TNS2: variants seen among roughly 807,000 people sequenced by gnomAD.
The protein encoded by TNS2 is tensin 2.
Under a neutral mutation model 155.7 loss-of-function variants are expected in TNS2, and 77 were observed. That is an observed-to-expected ratio of 0.49 (90% CI 0.41 to 0.60). The LOEUF (loss-of-function observed/expected upper bound fraction) is 0.60, where lower values mean the gene tolerates loss of function less well. Ranked by LOEUF, TNS2 falls within the 20% of genes least tolerant of loss-of-function variation. The pLI, the probability that TNS2 is intolerant of heterozygous loss-of-function variation, is 0.00. For synonymous variants in TNS2, 726 were observed against 763.9 expected, an observed-to-expected ratio of 0.95 and a Z score of 0.82; for missense variants, 1,703 against 1,868.8, an observed-to-expected ratio of 0.91 and a Z score of 1.64.
Position 53,059,135 on chromosome 12 carries a change from T to C in TNS2, c.1494T>C (p.Ser498=). 6.3e-7 allele frequency: 1 copy of C among 1,588,332 alleles called. No individual in the cohort carries two copies. Among genetic ancestry groups the C allele is most frequent in the African/African-American group, 1.4e-5 (1 of 73,460 alleles). Residue 498 remains serine (S), a synonymous_variant, in exon 18 of 29, where the codon TCT becomes TCC. Coordinates refer to ENST00000314250, the MANE Select transcript of TNS2 (RefSeq NM_170754.4). This position sits in a 1 kb window ranked among gnomAD's most constrained non-coding sequence, Gnocchi z 4.7. ...RPPRQTPPAP[S]PEPPPPPMLS... is the part of the protein sequence containing the mutation. ...CCCGGCAGACCCCCCCGGCACCCTC[T>C]CCAGAGCCTCCACCACCCCCCATGC...
chr12:53,058,485 GGC>G lies in TNS2; in HGVS notation c.1225+41_1225+42del, dbSNP rs1189447909. Reference sequence around the variant, plus strand: ...AGTGGCCTGGGGCTGGAGTCCAGGTGGCAGGCAGGTGGCAGGCAGGTGGCAGG... The same window carrying G: ...AGTGGCCTGGGGCTGGAGTCCAGGTGAGGCAGGTGGCAGGCAGGTGGCAGG... On this transcript the variant is annotated intron_variant, in intron 15 of 28. Transcript: ENST00000314250. 8.2e-6 allele frequency: 4 copies of G among 486,746 alleles called. No individual in the cohort carries two copies. In the Admixed American group the frequency reaches 3.0e-4, roughly 36 times the overall value. 30.2% of individuals were successfully genotyped at this position (486,746 alleles called of 1,614,324 possible).
chr12:53,050,177 C>A lies in TNS2; in HGVS notation c.-9C>A. On this transcript the variant is annotated 5_prime_UTR_variant, in exon 1 of 29. Transcript: ENST00000314250. This position sits in a 1 kb window ranked among gnomAD's most constrained non-coding sequence, Gnocchi z 4.7. ...GCCCTGGGGCCAGCACCCCAGCCAG[C>A]CGAACACCATGAAGTCCAGCGGCCC... 1.9e-6 allele frequency: 3 copies of A among 1,610,208 alleles called. No homozygotes were observed. Among genetic ancestry groups the A allele is most frequent in the Non-Finnish European group, 2.5e-6 (3 of 1,179,020 alleles).
intron 7 of TNS2, 43 bp downstream of exon 7, chr12:53,054,484 T>A: frequency 1.3e-6 from 2 of 1,550,500 alleles, no homozygotes; most frequent in South Asian, 2.4e-5. Flanking sequence ...GAGAGGGATG[T>A]AGGGTCCAGA....
Position 53,058,346 on chromosome 12 carries a change from ACAGACCGGAC to A in TNS2, c.1128_1137del (p.Asp377SerfsTer92). On this transcript the variant is annotated frameshift_variant, in exon 15 of 29. Transcript: ENST00000314250. LOFTEE classifies it high-confidence loss of function. Reference sequence around the variant, plus strand: ...ATGTTATCACAAGGGTGGCCGGGGCACAGACCGGACCCTCGTGTTCCGAGTCCAGTTCCAC... The same window carrying A: ...ATGTTATCACAAGGGTGGCCGGGGCACCTCGTGTTCCGAGTCCAGTTCCAC... The A allele has an allele frequency of 6.2e-7, 1 of 1,614,158 alleles. No homozygotes were observed. The highest frequency in any genetic ancestry group is 1.7e-5 in the Admixed American group (1 of 60,012).
At chr12:53,058,141 G>A (rs772775862) in intron 14 of TNS2, 39 bp downstream of exon 14, 7 of 1,613,716 alleles carry the variant, frequency 4.3e-6, no homozygotes, top group Admixed American at 3.3e-5. Context: ...TCCTGGAGAT[G>A]GGGCAGGGGT....
intron 4 of TNS2, 36 bp from the exon 5 acceptor site, chr12:53,053,738 C>G (rs1194386244): frequency 6.2e-7 from 1 of 1,607,548 alleles, no homozygotes; most frequent in Admixed American, 1.7e-5. Flanking sequence ...CCTGCTGTAA[C>G]TAACCACTCC....
chr12:53,061,224 C>A lies in TNS2; in HGVS notation c.3318C>A (p.Thr1106=). The change falls in exon 20 of 29, where the codon ACC becomes ACA. Residue 1106 remains threonine, a synonymous_variant. Coordinates refer to ENST00000314250, the MANE Select transcript of TNS2 (RefSeq NM_170754.4). ...SPARGISHHV[T]FAPLLSDNVP... ...CCAGAGGCATCAGTCACCATGTCAC[C>A]TTCGCACCTCTGCTCTCAGATAATG... is the stretch of plus-strand genomic sequence containing the variant. 6.4e-7 allele frequency: 1 copy of A among 1,570,776 alleles called. No individual in the cohort carries two copies. The highest frequency in any genetic ancestry group is 8.6e-7 in the Non-Finnish European group (1 of 1,158,052).
At chr12:53,047,960 A>G (rs7307595), upstream of TNS2, among the ~76,000 whole-genome samples, 140,539 of 152,086 alleles carry the variant, frequency 0.92, 65,966 homozygotes, top group East Asian at 1. Flanking sequence ...CTATTTCCAG[A>G]AAGGGGGGTG....
chr12:53,058,873 A>C (rs1006820666), intron 17 of TNS2, 46 bp downstream of exon 17: 1 of 1,596,872 alleles, frequency 6.3e-7, no homozygotes, highest in Non-Finnish European at 8.5e-7. Context: ...TTGTGGCGGG[A>C]CCCTGGGGGG....
chr12:53,054,557 T>C lies in TNS2; in HGVS notation c.522+116T>C, dbSNP rs1472922542. On this transcript the variant is annotated intron_variant, in intron 7 of 28. Coordinates refer to ENST00000314250, the MANE Select transcript of TNS2 (RefSeq NM_170754.4). ...AGGCCGCCAGGGGGCGGGACCAGAG[T>C]GGTGGGGTGGGGGCGGGGCCCGGAG... 10 of 599,778 alleles carry C rather than the reference T, an allele frequency of 1.7e-5. No individual in the cohort carries two copies. The Admixed American group carries it at 1.7e-4, about 10-fold the overall frequency. 37.2% of individuals were successfully genotyped at this position (599,778 alleles called of 1,614,324 possible). A position where few individuals can be genotyped will look rare whatever the true frequency, so the allele number is the denominator to read the frequency against.
chr12:53,047,175 ACGGGCG>A (rs141050814), upstream of TNS2: 60,187 of 143,724 alleles, frequency 0.42, 13,962 homozygotes, highest in East Asian at 0.87. Flanking sequence ...GCGGGCTGCC[ACGGGCG>A]CGGGCGCGGG....
rs894355465 is a variant in TNS2 at position 53,059,086 on chromosome 12, C to G, written c.1445C>G (p.Pro482Arg). 6.5e-7 allele frequency: 1 copy of G among 1,546,104 alleles called. No homozygotes were observed. Among genetic ancestry groups the G allele is most frequent in the Admixed American group, 2.0e-5 (1 of 49,084 alleles). ...THTRGPLDGS[P>R]YAQVQRPPRQ... Reference sequence around the variant, plus strand: ...ACCCGGGGTCCCCTGGATGGCAGTCCTTATGCCCAGGTGCAGCGGCCTCCC... The same window carrying G: ...ACCCGGGGTCCCCTGGATGGCAGTCGTTATGCCCAGGTGCAGCGGCCTCCC... Residue 482 changes from proline to arginine, a missense_variant, in exon 18 of 29, where the codon CCT (proline) becomes CGT (arginine). Pro to Arg is a moderately radical substitution (Grantham distance 103). Coordinates refer to ENST00000314250, the MANE Select transcript of TNS2 (RefSeq NM_170754.4). The surrounding 1 kb of genome is among the most constrained non-coding windows in gnomAD (Gnocchi z 4.7).
chr12:53,048,883 GGCTGGGGGAGTTGC>G (rs1943819801), upstream of TNS2: 1 of 318,210 alleles, frequency 3.1e-6, no homozygotes, highest in Non-Finnish European at 5.7e-6. Context: ...GAGAAGCCAG[GGCTGGGGGAGTTGC>G]CTGAGTACTG....
In TNS2 at chr12:53,060,880, C is replaced by T; in HGVS notation, c.2974C>T (p.Pro992Ser). Residue 992 changes from proline to serine, a missense_variant, in exon 20 of 29, where the codon CCA (proline) becomes TCA (serine). Physicochemically the swap from Pro to Ser is moderately conservative, Grantham distance 74 (BLOSUM62 -1). Transcript: ENST00000314250. The surrounding 1 kb of genome is among the most constrained non-coding windows in gnomAD (Gnocchi z 6.1). ...SPSDWPQERS[P>S]GGHSDGASPR... The stretch of plus-strand genomic sequence containing the variant: ...CAGTGACTGGCCTCAGGAAAGGAGT[C>T]CAGGGGGCCACTCAGATGGCGCCAG... The T allele has an allele frequency of 1.3e-6, 2 of 1,591,434 alleles. No homozygotes were observed. Among genetic ancestry groups the T allele is most frequent in the Non-Finnish European group, 1.7e-6 (2 of 1,166,846 alleles).
Position 53,063,219 on chromosome 12 carries a change from G to C in TNS2, c.3954G>C (p.Val1318=). The part of the protein sequence containing the change: ...RPTPAVVHFK[V]SAQGITLTDN... ...CACCAGCTGTTGTCCACTTCAAGGT[G>C]TCAGCCCAGGGCATTACACTGACGG... The change falls in exon 26 of 29, where the codon GTG becomes GTC. Residue 1318 remains valine, a synonymous_variant. Coordinates refer to ENST00000314250, the MANE Select transcript of TNS2 (RefSeq NM_170754.4). This position sits in a 1 kb window ranked among gnomAD's most constrained non-coding sequence, Gnocchi z 5.6. 6.2e-7 allele frequency: 1 copy of C among 1,612,958 alleles called. No homozygotes were observed. Among genetic ancestry groups the C allele is most frequent in the South Asian group, 1.1e-5 (1 of 90,960 alleles).
At position 53,058,858 on chromosome 12, in the gene TNS2, C is replaced by T. The variant is rs554540015; in HGVS notation, c.1405+31C>T. 4.4e-6 allele frequency: 7 copies of T among 1,608,734 alleles called. No individual in the cohort carries two copies. The South Asian group carries it at 6.6e-5, about 15-fold the overall frequency. On this transcript the variant is annotated intron_variant, in intron 17 of 28. Transcript: ENST00000314250. ...CAGGCAGCCTGCAGGGTGGGAGGTA[C>T]AGGGTTGTGGCGGGACCCTGGGGGG...
At chr12:53,051,675 G>A (rs918880579) in intron 1 of TNS2, among the ~76,000 whole-genome samples, 180 bp from the exon 2 acceptor site, 2 of 152,228 alleles carry the variant, frequency 1.3e-5, no homozygotes, top group African/African-American at 4.8e-5. Context: ...TCCATGCACA[G>A]TTGAGGACAG....
chr12:53,058,305 C>G lies in TNS2; in HGVS notation c.1096-11C>G, dbSNP rs778367311. 6.2e-7 allele frequency: 1 copy of G among 1,613,826 alleles called. No homozygotes were observed. The highest frequency in any genetic ancestry group is 1.7e-5 in the Admixed American group (1 of 60,010). ...TGAGGCCTGATCCGCAGCCTCCTGC[C>G]TTTCTCCCAGGTAACATGTTATCAC... On this transcript the variant is annotated splice_polypyrimidine_tract_variant and intron_variant, in intron 14 of 28. Coordinates refer to ENST00000314250, the MANE Select transcript of TNS2 (RefSeq NM_170754.4).
chr12:53,062,544 G>C, intron 24 of TNS2, 76 bp from the exon 25 acceptor site: 1 of 1,608,332 alleles, frequency 6.2e-7, no homozygotes, highest in Non-Finnish European at 8.5e-7. Context: ...CCTTCCCTTG[G>C]GGAAGCAGAG....
Sources: gnomAD v4.1 joint callset for allele counts (sites outside exome capture counted in the v4.1 genomes callset) on GRCh38, gnomAD v4.1.1 for gene constraint, Gnocchi (gnomAD v3.1) non-coding constraint, MANE v1.5 for transcripts, NCBI Gene and HGNC (gene_info 2026-07-23, HGNC 2026-07-21) for gene names.